Variants in MAF observed in about 807,000 individuals in gnomAD.
The protein encoded by MAF is transcription factor Maf.
In MAF, 10 loss-of-function variants were observed where a neutral mutation model predicts 22.0. The observed-to-expected ratio is 0.45, with a 90% CI of 0.28 to 0.77. MAF has a LOEUF of 0.77. Ranked by LOEUF, MAF falls within the 30% of genes least tolerant of loss-of-function variation. The probability of loss-of-function intolerance (pLI) is 0.12; values close to 1 mark genes in which losing one functional copy is unlikely to be tolerated. For synonymous variants in MAF, 337 were observed against 255.8 expected (o/e 1.32, Z -3.03); for missense variants, 544 against 548.4 (o/e 0.99, Z 0.08).
chr16:79,225,382 A>G, the MAF span, among the ~76,000 whole-genome samples: 1 of 152,182 alleles, frequency 6.6e-6, no homozygotes, highest in Admixed American at 6.5e-5. Flanking sequence ...TAAAGACCTA[A>G]ACATAAGACC....
chr16:79,250,873 T>G, the MAF span, among the ~76,000 whole-genome samples: 2 of 152,298 alleles, frequency 1.3e-5, no homozygotes, highest in Admixed American at 6.5e-5. Context: ...ACTTGGGACT[T>G]TCAGTGCTAA....
the MAF span, among the ~76,000 whole-genome samples, chr16:79,364,148 G>C: frequency 6.6e-6 from 1 of 152,110 alleles, no homozygotes; most frequent in Non-Finnish European, 1.5e-5. Flanking sequence ...TGCCCTAATT[G>C]GGAGCTTATA....
chr16:79,545,831 C>A, the MAF span, among the ~76,000 whole-genome samples: 2 of 152,018 alleles, frequency 1.3e-5, no homozygotes, highest in Non-Finnish European at 2.9e-5. Context: ...CATTATACAA[C>A]CTGGTCACTA....
At chr16:79,590,861 T>C (rs1426560273), downstream of MAF, among the ~76,000 whole-genome samples, 3 of 152,126 alleles carry the variant, frequency 2.0e-5, no homozygotes, top group Non-Finnish European at 2.9e-5. Flanking sequence ...GGGTTGCCTA[T>C]TGTCCTGGGA....
the MAF span, among the ~76,000 whole-genome samples, chr16:79,571,375 C>G: frequency 6.6e-6 from 1 of 151,890 alleles, no homozygotes; most frequent in Non-Finnish European, 1.5e-5. Context: ...CAAAATAAAA[C>G]CGGTATGAAA....
At chr16:79,255,031 C>T in the MAF span, among the ~76,000 whole-genome samples, 3 of 152,186 alleles carry the variant, frequency 2.0e-5, no homozygotes, top group African/African-American at 4.8e-5. Context: ...AGCAATCACT[C>T]TGGATCCTTG....
the MAF span, among the ~76,000 whole-genome samples, chr16:79,500,575 T>C: frequency 1.3e-5 from 2 of 152,134 alleles, no homozygotes; most frequent in Non-Finnish European, 2.9e-5. Flanking sequence ...GATTATGAGC[T>C]TGACTGGTCC....
the MAF span, among the ~76,000 whole-genome samples, chr16:79,574,131 G>A: frequency 3.0e-4 from 46 of 152,306 alleles, no homozygotes; most frequent in South Asian, 7.0e-3. Flanking sequence ...AATTTAAAAC[G>A]TAATTGTCTT....
the MAF span, among the ~76,000 whole-genome samples, chr16:79,352,687 C>A: frequency 6.6e-6 from 1 of 152,148 alleles, no homozygotes; most frequent in South Asian, 2.1e-4. Context: ...GGCTTTCAAC[C>A]AAACCAACAG....
At chr16:79,206,352 G>C in the MAF span, 8 of 152,208 alleles carry the variant, frequency 5.3e-5, no homozygotes, top group Non-Finnish European at 1.0e-4. Context: ...CAGGTTTCAT[G>C]TACCAACGGA....
chr16:79,415,273 G>A, the MAF span, among the ~76,000 whole-genome samples: 1 of 149,600 alleles, frequency 6.7e-6, no homozygotes, highest in Non-Finnish European at 1.5e-5. Context: ...GAACAAGGAA[G>A]GAAGGAAGGG....
At chr16:79,213,735 C>G in the MAF span, among the ~76,000 whole-genome samples, 2 of 152,196 alleles carry the variant, frequency 1.3e-5, no homozygotes, top group Middle Eastern at 3.2e-3. Context: ...ACTATCCAGC[C>G]CCAGCTGTGC....
At chr16:79,460,516 T>C in the MAF span, among the ~76,000 whole-genome samples, 2 of 152,222 alleles carry the variant, frequency 1.3e-5, no homozygotes, top group Non-Finnish European at 2.9e-5. Flanking sequence ...TTAAGGAATA[T>C]GTTTTTATAT....
chr16:79,364,444 G>A, the MAF span, among the ~76,000 whole-genome samples: 91 of 152,294 alleles, frequency 6.0e-4, 2 homozygotes, highest in East Asian at 7.5e-3. Context: ...CAGGCTGGGT[G>A]GGTGGCAGTG....
the MAF span, among the ~76,000 whole-genome samples, chr16:79,259,589 T>C: frequency 6.6e-6 from 1 of 152,092 alleles, no homozygotes; most frequent in Non-Finnish European, 1.5e-5. Flanking sequence ...AAATCATTGC[T>C]GGGTGAAAAA....
chr16:79,427,793 T>G, the MAF span, among the ~76,000 whole-genome samples: 1 of 152,160 alleles, frequency 6.6e-6, no homozygotes, highest in Admixed American at 6.5e-5. Context: ...CTCGTTGGTA[T>G]AGCTGGCTTT....
the MAF span, among the ~76,000 whole-genome samples, chr16:79,315,337 A>T: frequency 6.6e-6 from 1 of 152,216 alleles, no homozygotes; most frequent in African/African-American, 2.4e-5. Flanking sequence ...GGGAGAGTTG[A>T]AACTACTATG....
the MAF span, among the ~76,000 whole-genome samples, chr16:79,267,097 A>G: frequency 6.6e-6 from 1 of 152,216 alleles, no homozygotes; most frequent in Non-Finnish European, 1.5e-5. Context: ...ATACACTATA[A>G]AGTCAGGATA....
the MAF span, among the ~76,000 whole-genome samples, chr16:79,222,581 G>C: frequency 2.6e-5 from 4 of 152,090 alleles, no homozygotes; most frequent in Admixed American, 2.6e-4. Flanking sequence ...ACACAGACTG[G>C]CAAATTAGAT....
Sources: gnomAD v4.1 joint callset for allele counts (sites outside exome capture counted in the v4.1 genomes callset) on GRCh38, gnomAD v4.1.1 for gene constraint, MANE v1.5 for transcripts, NCBI Gene and HGNC (gene_info 2026-07-23, HGNC 2026-07-21) for gene names.